HEXIM2: variants seen among roughly 807,000 people sequenced by gnomAD.
HEXIM2 encodes the protein HEXIM P-TEFb complex subunit 2.
For synonymous variants in HEXIM2, 159 were observed against 162.7 expected (o/e 0.98, Z 0.17); for missense variants, 413 against 390.8 (o/e 1.06, Z -0.48).
In HEXIM2 at chr17:45,169,568, GC is replaced by G. The variant is rs1028807527; in HGVS notation, c.622del (p.Arg208AlafsTer110). The G allele has an allele frequency of 3.2e-6, 5 of 1,552,742 alleles. No homozygotes were observed. The highest frequency in any genetic ancestry group is 2.7e-5 in the African/African-American group (2 of 72,734). On this transcript the variant is annotated frameshift_variant, in exon 4 of 4. Transcript: ENST00000589230. LOFTEE classifies it low-confidence loss of function (END_TRUNC). ...YERFHTESLQ[G>X]RSKQELVRDY... ...CGCTTCCACACCGAGAGCCTGCAGGGCCGCAGCAAGCAGGAGCTGGTGCGAG... is the reference window on the plus strand; with the variant it reads ...CGCTTCCACACCGAGAGCCTGCAGGGCGCAGCAAGCAGGAGCTGGTGCGAG...
Position 45,169,371 on chromosome 17 carries a change from C to T in HEXIM2, c.423C>T (p.Tyr141=), listed in dbSNP as rs766089364. Residue 141 remains tyrosine, a synonymous_variant, in exon 4 of 4, where the codon TAC becomes TAT. Coordinates refer to ENST00000589230, the MANE Select transcript of HEXIM2 (RefSeq NM_001303441.2). ...CCAAAGGCCAGCCCGTGGCCCCCTA[C>T]AACACCACCCAGTTCCTGATGAATG... The part of the protein sequence containing the change: ...MFAKGQPVAP[Y]NTTQFLMNDR... The T allele has an allele frequency of 9.3e-6, 15 of 1,614,000 alleles. No homozygotes were observed. In the South Asian group the frequency reaches 1.5e-4, roughly 17 times the overall value.
intron 3 of HEXIM2, among the ~76,000 whole-genome samples, chr17:45,167,307 C>T (rs1288595524): frequency 6.6e-6 from 1 of 151,628 alleles, no homozygotes; most frequent in African/African-American, 2.4e-5. Flanking sequence ...GCCTGGGCAA[C>T]AGAGCAAGAC....
chr17:45,169,528 T>G lies in HEXIM2; in HGVS notation c.580T>G (p.Ser194Ala), dbSNP rs572340836. Residue 194 changes from serine to alanine, a missense_variant, in exon 4 of 4, where the codon TCT becomes GCT. Ser to Ala is a moderately conservative substitution (Grantham distance 99, BLOSUM62 1). Transcript: ENST00000589230. ...CGGTGAGTTCCAGCGGAAGGACTTCTCTGAGACTTACGAACGCTTCCACAC... is the reference window on the plus strand; with the variant it reads ...CGGTGAGTTCCAGCGGAAGGACTTCGCTGAGACTTACGAACGCTTCCACAC... Reference protein sequence around the residue: ...AHGEFQRKDFSETYERFHTES... With the variant: ...AHGEFQRKDFAETYERFHTES... The G allele has an allele frequency of 6.3e-7, 1 of 1,594,648 alleles. No homozygotes were observed. The highest frequency in any genetic ancestry group is 2.3e-5 in the East Asian group (1 of 43,872).
Position 45,167,024 on chromosome 17 carries a change from CAAAA to C in HEXIM2, c.67-1975_67-1972del, listed in dbSNP as rs58258565. On this transcript the variant is annotated intron_variant, in intron 3 of 3. Transcript: ENST00000589230. Reference sequence around the variant, plus strand: ...TGGGTGACAGAGCAAGACTCTGTCTCAAAAAAAAAAAAAAAAAAAGCCCAGGTGC... The same window carrying C: ...TGGGTGACAGAGCAAGACTCTGTCTCAAAAAAAAAAAAAAAGCCCAGGTGC... 1.2e-4 allele frequency among the ~76,000 whole-genome samples: 8 copies of C among 67,926 alleles called. No homozygotes were observed. The East Asian group carries it at 1.5e-3, about 13-fold the overall frequency. 44.6% of individuals were successfully genotyped at this position (67,926 alleles called of 152,430 possible). A position where few individuals can be genotyped will look rare whatever the true frequency, so the allele number is the denominator to read the frequency against.
chr17:45,162,074 C>A, intron 1 of HEXIM2, 43 bp downstream of exon 1: 1 of 927,466 alleles, frequency 1.1e-6, no homozygotes, highest in Non-Finnish European at 1.3e-6. Context: ...GACTGTCTCC[C>A]TTCTTCCAAG....
In HEXIM2 at chr17:45,164,411, C is replaced by T. The variant is rs548279076; in HGVS notation, c.66+1552C>T. On this transcript the variant is annotated intron_variant, in intron 3 of 3. Transcript: ENST00000589230. ...CGGAGTTTGCAGTGAACTGAGATCA[C>T]GCCCCTGCACTCCAGCCTGGGCAAC... 4.1e-4 allele frequency among the ~76,000 whole-genome samples: 62 copies of T among 151,972 alleles called. 1 individual carries two copies. The highest frequency in any genetic ancestry group is 2.1e-4 in the South Asian group (1 of 4,812).
At chr17:45,162,134 A>G (rs1422539329) in intron 1 of HEXIM2, 103 bp downstream of exon 1, 2 of 457,656 alleles carry the variant, frequency 4.4e-6, no homozygotes, top group East Asian at 3.1e-4. Flanking sequence ...CATGTAGTGC[A>G]AAGACCTCTT....
chr17:45,161,872 GCT>G, upstream of HEXIM2: 8 of 985,766 alleles, frequency 8.1e-6, no homozygotes, highest in Non-Finnish European at 9.6e-6. Context: ...GCGCGTCCAG[GCT>G]CTCTCTTCCC....
intron 3 of HEXIM2, among the ~76,000 whole-genome samples, chr17:45,164,454 CA>C (rs1049009779): frequency 6.8e-6 from 1 of 146,786 alleles, no homozygotes; most frequent in Non-Finnish European, 1.5e-5. Context: ...GACTCCGTCT[CA>C]AAAAAAAACC....
In HEXIM2 at chr17:45,169,673, G is replaced by A. The variant is rs2042975245; in HGVS notation, c.725G>A (p.Gly242Asp). 1 of 1,533,066 alleles carries A rather than the reference G, an allele frequency of 6.5e-7. No homozygotes were observed. Among genetic ancestry groups the A allele is most frequent in the Non-Finnish European group, 8.8e-7 (1 of 1,136,866 alleles). The allele number at this position is 1,533,066 out of a possible 1,614,324, so 95.0% of individuals were successfully genotyped here. A position where few individuals can be genotyped will look rare whatever the true frequency, so the allele number is the denominator to read the frequency against. The change falls in exon 4 of 4, where the codon GGC becomes GAC. Residue 242 changes from glycine (G) to aspartate (D), a missense_variant. By Grantham distance (94) the Gly-to-Asp change is moderately conservative. Transcript: ENST00000589230. ...CTGCAGCAGCTGCAGGCGTGCACCG[G>A]CCAGCAGTCCTGCCGCCAGGTGGAG... is the stretch of plus-strand genomic sequence containing the variant. Reference protein sequence around the residue: ...RRLQQLQACTGQQSCRQVEEL... With the variant: ...RRLQQLQACTDQQSCRQVEEL...
At chr17:45,165,600 G>T (rs1294383809) in intron 3 of HEXIM2, among the ~76,000 whole-genome samples, 1 of 151,906 alleles carries the variant, frequency 6.6e-6, no homozygotes, top group Non-Finnish European at 1.5e-5. Context: ...TCTCTTGACA[G>T]CCTTTATACC....
Position 45,169,580 on chromosome 17 carries a change from AGGAGCTGGTGCGAGACTACCT to A in HEXIM2, c.641_661del (p.Val214_Leu220del). 2 of 1,549,256 alleles carry A rather than the reference AGGAGCTGGTGCGAGACTACCT, an allele frequency of 1.3e-6. No homozygotes were observed. The highest frequency in any genetic ancestry group is 1.7e-6 in the Non-Finnish European group (2 of 1,146,880). ...GAGAGCCTGCAGGGCCGCAGCAAGCAGGAGCTGGTGCGAGACTACCTGGAGCTGGAGAAGCGGCTGTCGCAG... is the reference window on the plus strand; with the variant it reads ...GAGAGCCTGCAGGGCCGCAGCAAGCAGGAGCTGGAGAAGCGGCTGTCGCAG... On this transcript the variant is annotated inframe_deletion, in exon 4 of 4. Coordinates refer to ENST00000589230, the MANE Select transcript of HEXIM2 (RefSeq NM_001303441.2).
chr17:45,169,515 G>A lies in HEXIM2; in HGVS notation c.567G>A (p.Gln189=), dbSNP rs538670587. Residue 189 remains glutamine, a synonymous_variant, in exon 4 of 4, where the codon CAG becomes CAA. Coordinates refer to ENST00000589230, the MANE Select transcript of HEXIM2 (RefSeq NM_001303441.2). ...GGGGCCGAGCGCACGGTGAGTTCCAGCGGAAGGACTTCTCTGAGACTTACG... is the reference window on the plus strand; with the variant it reads ...GGGGCCGAGCGCACGGTGAGTTCCAACGGAAGGACTTCTCTGAGACTTACG... ...DGRGRAHGEF[Q]RKDFSETYER... is the part of the protein sequence containing the mutation. 1.2e-6 allele frequency: 2 copies of A among 1,604,238 alleles called. No homozygotes were observed. The highest frequency in any genetic ancestry group is 2.7e-5 in the African/African-American group (2 of 74,776).
chr17:45,169,861 C>G lies in HEXIM2; in HGVS notation c.*52C>G. 7.2e-7 allele frequency: 1 copy of G among 1,394,876 alleles called. No homozygotes were observed. Among genetic ancestry groups the G allele is most frequent in the Non-Finnish European group, 9.3e-7 (1 of 1,070,258 alleles). 86.4% of individuals were successfully genotyped at this position (1,394,876 alleles called of 1,614,324 possible). On this transcript the variant is annotated 3_prime_UTR_variant, in exon 4 of 4. Coordinates refer to ENST00000589230, the MANE Select transcript of HEXIM2 (RefSeq NM_001303441.2). ...AGGAGAAGGTCCCATTTCGTGCACA[C>G]TCAGGCCAGCTGGGTCTCAAGGAGG...
Position 45,170,028 on chromosome 17 carries a change from G to A in HEXIM2, c.*219G>A, listed in dbSNP as rs2042983998. The A allele has an allele frequency of 4.6e-6, 2 of 430,700 alleles. No individual in the cohort carries two copies. The highest frequency in any genetic ancestry group is 7.0e-5 in the East Asian group (2 of 28,688). The allele number at this position is 430,700 out of a possible 1,614,324, so 26.7% of individuals were successfully genotyped here. A position where few individuals can be genotyped will look rare whatever the true frequency, so the allele number is the denominator to read the frequency against. ...ACAGAGAAATTAAATGGCCTTGGTG[G>A]GACCAAATGGGAGTATCTAGGATTG... On this transcript the variant is annotated 3_prime_UTR_variant, in exon 4 of 4. Transcript: ENST00000589230.
chr17:45,166,257 T>C (rs2042840127), intron 3 of HEXIM2, among the ~76,000 whole-genome samples: 1 of 152,200 alleles, frequency 6.6e-6, no homozygotes. Context: ...CCCAAGCAGC[T>C]GGGATTACAG....
In HEXIM2 at chr17:45,169,925, C is replaced by T; in HGVS notation, c.*116C>T. Reference sequence around the variant, plus strand: ...AAAACCACCGTCAACACCCTGTGCGCCCTGAGAACAGCTAAATCGGTTCAG... The same window carrying T: ...AAAACCACCGTCAACACCCTGTGCGTCCTGAGAACAGCTAAATCGGTTCAG... On this transcript the variant is annotated 3_prime_UTR_variant, in exon 4 of 4. Coordinates refer to ENST00000589230, the MANE Select transcript of HEXIM2 (RefSeq NM_001303441.2). 1.2e-6 allele frequency: 1 copy of T among 828,514 alleles called. No individual in the cohort carries two copies. The highest frequency in any genetic ancestry group is 1.7e-5 in the African/African-American group (1 of 58,074). The allele number at this position is 828,514 out of a possible 1,614,324, so 51.3% of individuals were successfully genotyped here. A position where few individuals can be genotyped will look rare whatever the true frequency, so the allele number is the denominator to read the frequency against.
intron 3 of HEXIM2, among the ~76,000 whole-genome samples, chr17:45,165,924 A>G (rs1224795936): frequency 6.6e-6 from 1 of 151,936 alleles, no homozygotes; most frequent in Non-Finnish European, 1.5e-5. Flanking sequence ...CCTCCCAAGT[A>G]GCTGGGATTA....
In HEXIM2 at chr17:45,161,888, C is replaced by G. The variant is rs1382277187; in HGVS notation, c.-336C>G. On this transcript the variant is annotated 5_prime_UTR_variant, in exon 1 of 4. Coordinates refer to ENST00000589230, the MANE Select transcript of HEXIM2 (RefSeq NM_001303441.2). ...CGCGTCCAGGCTCTCTCTTCCCCCC[C>G]ATCTTAGTGGCCTGAGCGGCTTGAC... The G allele has an allele frequency of 4.1e-5, 40 of 985,612 alleles. No individual in the cohort carries two copies. The highest frequency in any genetic ancestry group is 4.6e-5 in the Non-Finnish European group (38 of 830,192). 61.1% of individuals were successfully genotyped at this position (985,612 alleles called of 1,614,324 possible). A position where few individuals can be genotyped will look rare whatever the true frequency, so the allele number is the denominator to read the frequency against.
Sources: gnomAD v4.1 joint callset for allele counts (sites outside exome capture counted in the v4.1 genomes callset) on GRCh38, gnomAD v4.1.1 for gene constraint, MANE v1.5 for transcripts, NCBI Gene and HGNC (gene_info 2026-07-23, HGNC 2026-07-21) for gene names.